ADGRD2: variants seen among roughly 807,000 people sequenced by gnomAD.
ADGRD2 encodes the protein adhesion G protein-coupled receptor D2, also known as G protein-coupled receptor PGR24.
ADGRD2 carries 71 observed loss-of-function variants against 44.4 expected under a neutral mutation model. That is an observed-to-expected ratio of 1.60 (90% CI 1.32 to 1.95). ADGRD2 has a LOEUF of 1.95. Among genes scored for constraint, ADGRD2 ranks in the 30% most tolerant of loss-of-function variants. ADGRD2 has a pLI of 0.00. For missense variants in ADGRD2, 1,039 were observed against 512.4 expected (o/e 2.03, Z -9.92); for synonymous variants, 481 against 224.8 (o/e 2.14, Z -10.19).
At chr9:124,451,115 T>A (rs191713904), upstream of ADGRD2, 1 of 472,168 alleles carries the variant, frequency 2.1e-6, no homozygotes, top group African/African-American at 2.0e-5. Context: ...GATGGCATGG[T>A]CACAGGTCCA....
At position 124,468,503 on chromosome 9, in the gene ADGRD2, C is replaced by T. The variant is rs1159676372; in HGVS notation, c.2234-16C>T. ...TCTGACCTCGGACCTGGGTGGGGAT[C>T]CTGACCCTCCCACAGGTGGCATGTG... On this transcript the variant is annotated splice_polypyrimidine_tract_variant and intron_variant, in intron 13 of 21. Transcript: ENST00000334810. 1.4e-6 allele frequency: 1 copy of T among 718,164 alleles called. No individual in the cohort carries two copies. 44.5% of individuals were successfully genotyped at this position (718,164 alleles called of 1,614,324 possible).
At position 124,457,171 on chromosome 9, in the gene ADGRD2, G is replaced by A. The variant is rs147740833; in HGVS notation, c.1506-301G>A. Among the ~76,000 whole-genome samples, 566 of 152,340 alleles carry A rather than the reference G, an allele frequency of 3.7e-3. 1 individual carries two copies. The highest frequency in any genetic ancestry group is 0.017 in the Middle Eastern group (5 of 294). On this transcript the variant is annotated intron_variant, in intron 7 of 21. Coordinates refer to ENST00000334810, the Ensembl canonical transcript of ADGRD2. The stretch of plus-strand genomic sequence containing the variant: ...CGTGAATGTTTGTAGCCTGAATGGG[G>A]GTGCACCTGTGGTGAAGCTTCAGGT...
In ADGRD2 at chr9:124,469,219, C is replaced by A. The variant is rs1484900174; in HGVS notation, c.2388-3C>A. 1.4e-6 allele frequency: 1 copy of A among 712,286 alleles called. No individual in the cohort carries two copies. Among genetic ancestry groups the A allele is most frequent in the Admixed American group, 2.0e-5 (1 of 49,952 alleles). 44.1% of individuals were successfully genotyped at this position (712,286 alleles called of 1,614,324 possible). A position where few individuals can be genotyped will look rare whatever the true frequency, so the allele number is the denominator to read the frequency against. On this transcript the variant is annotated splice_polypyrimidine_tract_variant and splice_region_variant and intron_variant, in intron 14 of 21. Transcript: ENST00000334810. ...CCTTGAGGCCCCCTTCTCCCTCTCC[C>A]AGGCGTGCCTGTGGGCATCGTGGCG...
rs1005422190 is a variant in ADGRD2 at position 124,455,251 on chromosome 9, G to A, written c.1393+124G>A. ...TGGGCTCCATCTCTGCGTCTATCCT[G>A]AAAAGCTTCTCTTTTGTCTATTTGA... is the stretch of plus-strand genomic sequence containing the variant. On this transcript the variant is annotated intron_variant, in intron 6 of 21. Transcript: ENST00000334810. The A allele has an allele frequency of 1.9e-5, 11 of 576,582 alleles. No individual in the cohort carries two copies. In the Admixed American group the frequency reaches 3.3e-4, roughly 18 times the overall value. 35.7% of individuals were successfully genotyped at this position (576,582 alleles called of 1,614,324 possible). A position where few individuals can be genotyped will look rare whatever the true frequency, so the allele number is the denominator to read the frequency against.
At chr9:124,460,848 A>G (rs10760362) in intron 10 of ADGRD2, among the ~76,000 whole-genome samples, 102,346 of 151,940 alleles carry the variant, frequency 0.67, 35,065 homozygotes, top group African/African-American at 0.81. Context: ...GTTGTAGGAT[A>G]AGCATATTTT....
chr9:124,453,198 C>A (rs1250295676), exon 3 of ADGRD2: 1 of 674,992 alleles, frequency 1.5e-6, no homozygotes, highest in Non-Finnish European at 2.7e-6. Context: ...TTGCCGCGCC[C>A]GCGCTGCCCA....
At chr9:124,472,077 T>C (rs35929043) in intron 17 of ADGRD2, among the ~76,000 whole-genome samples, 92,721 of 152,076 alleles carry the variant, frequency 0.61, 30,473 homozygotes, top group African/African-American at 0.85. Context: ...GGGGTTGGAT[T>C]CCTGATGCTC....
At chr9:124,453,218 A>G in exon 3 of ADGRD2, 1 of 615,650 alleles carries the variant, frequency 1.6e-6, no homozygotes, top group Non-Finnish European at 2.9e-6. Context: ...AACGCGCTGC[A>G]GCTGCGCGCC....
At chr9:124,466,732 C>G in intron 11 of ADGRD2, 1 of 177,714 alleles carries the variant, frequency 5.6e-6, no homozygotes, top group Non-Finnish European at 1.2e-5. Flanking sequence ...ATTGCTTGAG[C>G]CCAGGAAGTC....
chr9:124,453,519 C>T (rs78331506), exon 3 of ADGRD2: 22,682 of 701,844 alleles, frequency 0.032, 1,836 homozygotes, highest in East Asian at 0.25. Context: ...ACCTCACCGA[C>T]TTCCACCTGT....
At chr9:124,472,440 GTTTGTTTGTTTGTTTGTTT>G (rs1409649047) in intron 17 of ADGRD2, among the ~76,000 whole-genome samples, 7 of 149,730 alleles carry the variant, frequency 4.7e-5, no homozygotes, top group Admixed American at 2.6e-4. Flanking sequence ...TTGTTTTTTT[GTTTGTTTGTTTGTTTGTTT>G]TTTGTTTGTT....
chr9:124,472,403 TCTCTC>T (rs1232350379), intron 17 of ADGRD2, among the ~76,000 whole-genome samples: 1 of 152,240 alleles, frequency 6.6e-6, no homozygotes, highest in East Asian at 1.9e-4. Context: ...TTTCTCCACT[TCTCTC>T]CTCAGTCTCT....
At chr9:124,458,635 G>C (rs1450427566) in exon 10 of ADGRD2, 1 of 718,796 alleles carries the variant, frequency 1.4e-6, no homozygotes, top group South Asian at 1.5e-5. Context: ...CACCCAGGTG[G>C]GGTCAGCCAT....
intron 3 of ADGRD2, 30 bp downstream of exon 6, chr9:124,453,706 C>CCA: frequency 1.5e-6 from 1 of 679,528 alleles, no homozygotes; most frequent in East Asian, 2.8e-5. Context: ...GGCCCCACCC[C>CCA]ATGGCCCCGA....
At chr9:124,471,275 G>A (rs1447559544) in intron 17 of ADGRD2, among the ~76,000 whole-genome samples, 1 of 152,086 alleles carries the variant, frequency 6.6e-6, no homozygotes, top group Non-Finnish European at 1.5e-5. Flanking sequence ...CACCCCCCAG[G>A]CACCTCTCCC....
At chr9:124,452,022 T>C (rs2131218732), upstream of ADGRD2, 2 of 265,386 alleles carry the variant, frequency 7.5e-6, no homozygotes, top group East Asian at 1.7e-4. Flanking sequence ...ACCCCCAGAG[T>C]AGGCATTCAA....
chr9:124,458,150 C>T, exon 9 of ADGRD2: 1 of 718,532 alleles, frequency 1.4e-6, no homozygotes. Context: ...GCTGGTTCAC[C>T]TCCAGAGTCT....
At chr9:124,469,347 G>T (rs201275572) in exon 15 of ADGRD2, 1 of 718,324 alleles carries the variant, frequency 1.4e-6, no homozygotes, top group Non-Finnish European at 2.6e-6. Flanking sequence ...TGTGCTCTTC[G>T]TGCTGACTGT....
At chr9:124,468,382 G>A (rs1028568105) in intron 13 of ADGRD2, 137 bp from the exon 17 acceptor site, 3 of 684,044 alleles carry the variant, frequency 4.4e-6, no homozygotes, top group African/African-American at 3.5e-5. Context: ...GGTGGAGCGG[G>A]GCCCAGGCTG....
Sources: gnomAD v4.1 joint callset for allele counts (sites outside exome capture counted in the v4.1 genomes callset) on GRCh38, gnomAD v4.1.1 for gene constraint, MANE v1.5 for transcripts, NCBI Gene and HGNC (gene_info 2026-07-23, HGNC 2026-07-21) for gene names.